The following FYCO1 variants were observed in gnomAD, a reference collection of about 807,000 sequenced individuals.
FYCO1 encodes FYVE and coiled-coil domain autophagy adaptor 1.
A neutral mutation model predicts 165.1 loss-of-function variants in FYCO1; 122 were observed. The ratio of observed to expected loss-of-function variants is 0.74; its 90% CI spans 0.64 to 0.86. The LOEUF (loss-of-function observed/expected upper bound fraction) is 0.86. Among genes scored for constraint, FYCO1 ranks in the 40% least tolerant of loss-of-function variants. The pLI is 0.00. For missense variants in FYCO1, 1,702 were observed against 1,810.3 expected (o/e 0.94, Z 1.09); for synonymous variants, 648 against 742.5 (o/e 0.87, Z 2.07).
intron 15 of FYCO1, among the ~76,000 whole-genome samples, chr3:45,935,737 C>T (rs1392037292): frequency 4.6e-5 from 7 of 152,288 alleles, no homozygotes; most frequent in Middle Eastern, 3.4e-3. Context: ...ATGTTTATAG[C>T]GTATCATCTG....
intron 14 of FYCO1, among the ~76,000 whole-genome samples, chr3:45,954,559 C>T (rs191216412): frequency 3.3e-4 from 51 of 152,270 alleles, no homozygotes; most frequent in Non-Finnish European, 5.9e-4. Context: ...GAGCAATTGC[C>T]AAGGGCGGCC....
intron 15 of FYCO1, 150 bp from the exon 16 acceptor site, chr3:45,931,431 T>C (rs1378591014): frequency 2.8e-6 from 2 of 722,666 alleles, no homozygotes; most frequent in Non-Finnish European, 4.9e-6. Context: ...TGCTTAATTA[T>C]GGGATGGGCA....
chr3:45,984,945 C>T lies in FYCO1; in HGVS notation c.-35G>A, dbSNP rs751454344. ...GCCTTTCTTGTCTGTATGTCTCCTGCCTGGGTCCAGAGGAAGGCTCAGAAT... is the reference window on the plus strand; with the variant it reads ...GCCTTTCTTGTCTGTATGTCTCCTGTCTGGGTCCAGAGGAAGGCTCAGAAT... On this transcript the variant is annotated 5_prime_UTR_variant, in exon 2 of 18. Transcript: ENST00000296137. The T allele has an allele frequency of 6.1e-5, 99 of 1,612,068 alleles. No individual in the cohort carries two copies. In the South Asian group the frequency reaches 8.6e-4, roughly 14 times the overall value.
intron 1 of FYCO1, among the ~76,000 whole-genome samples, chr3:45,991,742 C>T (rs1238895590): frequency 6.6e-6 from 1 of 152,184 alleles, no homozygotes; most frequent in Non-Finnish European, 1.5e-5. Flanking sequence ...ACAAACAACC[C>T]TGCTAACCCA....
chr3:45,954,387 C>T (rs186304124), intron 14 of FYCO1, among the ~76,000 whole-genome samples: 11 of 152,292 alleles, frequency 7.2e-5, no homozygotes, highest in Admixed American at 3.3e-4. Context: ...GTTCTCCCAA[C>T]CCCTATAGTC....
At chr3:45,942,785 A>G (rs1206273136) in intron 14 of FYCO1, among the ~76,000 whole-genome samples, 1 of 152,174 alleles carries the variant, frequency 6.6e-6, no homozygotes, top group Non-Finnish European at 1.5e-5. Flanking sequence ...GCCCAAGGAA[A>G]CCAGATGATT....
intron 14 of FYCO1, among the ~76,000 whole-genome samples, chr3:45,949,989 C>G (rs973244866): frequency 6.6e-6 from 1 of 152,192 alleles, no homozygotes; most frequent in Admixed American, 6.5e-5. Flanking sequence ...AAAGGGCCTT[C>G]ACGTCTTGAT....
intron 14 of FYCO1, among the ~76,000 whole-genome samples, chr3:45,951,496 C>A (rs1018946286): frequency 6.6e-6 from 1 of 152,182 alleles, no homozygotes; most frequent in Admixed American, 6.5e-5. Context: ...TGGGTAGAGG[C>A]TGAGCAAAGG....
At chr3:45,978,976 C>A (rs935935698) in intron 4 of FYCO1, among the ~76,000 whole-genome samples, 2 of 151,852 alleles carry the variant, frequency 1.3e-5, no homozygotes, top group Non-Finnish European at 2.9e-5. Context: ...CCTGCCTCAG[C>A]CTCCCGCGTA....
chr3:45,979,662 G>C (rs1706946552), intron 4 of FYCO1, 43 bp downstream of exon 4: 1 of 1,610,704 alleles, frequency 6.2e-7, no homozygotes, highest in Non-Finnish European at 8.5e-7. Flanking sequence ...CTTTAAGCAG[G>C]CAAAAGGACG....
At chr3:45,974,028 T>A (rs1706589963) in intron 5 of FYCO1, among the ~76,000 whole-genome samples, 1 of 152,152 alleles carries the variant, frequency 6.6e-6, no homozygotes, top group African/African-American at 2.4e-5. Context: ...GCCACTGCAC[T>A]CCAGCCTGTG....
chr3:45,967,540 T>G lies in FYCO1; in HGVS notation c.1794A>C (p.Ala598=). ...PEEEQRGLQE[A]QLDDTKVQEG... ...CTTGCACCTTGGTATCGTCTAACTG[T>G]GCCTCCTGCAGGCCCCTCTGCTCCT... Residue 598 remains alanine, a synonymous_variant, in exon 8 of 18, where the codon GCA becomes GCC. Transcript: ENST00000296137. 3.1e-6 allele frequency: 5 copies of G among 1,613,796 alleles called. No homozygotes were observed. Among genetic ancestry groups the G allele is most frequent in the Non-Finnish European group, 4.2e-6 (5 of 1,179,870 alleles).
At position 45,981,938 on chromosome 3, in the gene FYCO1, T is replaced by C. The variant is rs7639434; in HGVS notation, c.56-262A>G. ...TTGTCTGTCCACCACCCAGGGCTAG[T>C]AATTTGCATATAGTAGCTGGACAAC... On this transcript the variant is annotated intron_variant, in intron 2 of 17. Coordinates refer to ENST00000296137, the MANE Select transcript of FYCO1 (RefSeq NM_024513.4). Among the ~76,000 whole-genome samples the C allele has an allele frequency of 0.01, 1,584 of 152,342 alleles. 36 individuals carry two copies. Among genetic ancestry groups the C allele is most frequent in the African/African-American group, 0.036 (1,489 of 41,562 alleles).
chr3:45,938,913 G>A (rs550203592), intron 14 of FYCO1, among the ~76,000 whole-genome samples: 2 of 152,242 alleles, frequency 1.3e-5, no homozygotes, highest in African/African-American at 4.8e-5. Context: ...GTCAAGGGAT[G>A]TAAGAGCTTG....
At chr3:45,927,515 G>A (rs1184189213) in intron 16 of FYCO1, among the ~76,000 whole-genome samples, 1 of 152,208 alleles carries the variant, frequency 6.6e-6, no homozygotes, top group Non-Finnish European at 1.5e-5. Context: ...GCTCAGGCTG[G>A]CAGCTGGTAG....
chr3:45,936,463 T>C lies in FYCO1; in HGVS notation c.4025A>G (p.Lys1342Arg), dbSNP rs772397410. The C allele has an allele frequency of 2.5e-6, 4 of 1,613,754 alleles. No individual in the cohort carries two copies. The South Asian group carries it at 4.4e-5, about 18-fold the overall frequency. ...TGCCACTTACATCAGTTCTCCAGACTTCAGCAGGCAGATTTCCGAATCCTG... is the reference window on the plus strand; with the variant it reads ...TGCCACTTACATCAGTTCTCCAGACCTCAGCAGGCAGATTTCCGAATCCTG... ...VGQDSEICLL[K>R]SGELMIKVPL... is the part of the protein sequence containing the mutation. Residue 1342 changes from lysine to arginine, a missense_variant, in exon 15 of 18, where the codon AAG becomes AGG. By Grantham distance (26) the Lys-to-Arg change is conservative. Transcript: ENST00000296137.
chr3:45,940,491 C>T (rs1350870962), intron 14 of FYCO1, among the ~76,000 whole-genome samples: 1 of 152,228 alleles, frequency 6.6e-6, no homozygotes, highest in Non-Finnish European at 1.5e-5. Context: ...AGTAAACAGT[C>T]TGAGCATGCA....
In FYCO1 at chr3:45,991,308, A is replaced by G. The variant is rs1707551126; in HGVS notation, c.-113+4414T>C. 1.3e-5 allele frequency among the ~76,000 whole-genome samples: 2 copies of G among 152,182 alleles called. 1 individual carries two copies. The highest frequency in any genetic ancestry group is 4.1e-4 in the South Asian group (2 of 4,826). ...TGTGTCTACTCCACACTGCCTACCTAGCCTCTCTTTATAAACAGACCTCTG... is the reference window on the plus strand; with the variant it reads ...TGTGTCTACTCCACACTGCCTACCTGGCCTCTCTTTATAAACAGACCTCTG... On this transcript the variant is annotated intron_variant, in intron 1 of 17. Transcript: ENST00000296137.
At chr3:45,955,857 G>C (rs775693422) in intron 13 of FYCO1, among the ~76,000 whole-genome samples, 1 of 152,184 alleles carries the variant, frequency 6.6e-6, no homozygotes, top group Non-Finnish European at 1.5e-5. Context: ...CTGATGCGTG[G>C]GAAAGAACCT....
Sources: allele counts gnomAD v4.1 joint callset (sites outside exome capture counted in the v4.1 genomes callset), GRCh38; gene constraint gnomAD v4.1.1; transcripts MANE v1.5; gene names NCBI Gene and HGNC (gene_info 2026-07-23, HGNC 2026-07-21).